Variants in SLC25A48 observed in about 807,000 individuals in gnomAD.
SLC25A48 encodes the protein CTC-321K16.1.
SLC25A48 carries 29 observed loss-of-function variants against 32.2 expected under a neutral mutation model. The observed-to-expected ratio is 0.90, with a 90% CI of 0.67 to 1.23. The LOEUF (loss-of-function observed/expected upper bound fraction) is 1.23, where lower values mean the gene tolerates loss of function less well. Ranked by LOEUF, SLC25A48 falls within the 50% of genes most tolerant of loss-of-function variation. The pLI, the probability that SLC25A48 is intolerant of heterozygous loss-of-function variation, is 0.00. For synonymous variants in SLC25A48, 164 were observed against 172.3 expected (o/e 0.95, Z 0.38); for missense variants, 399 against 422.7 (o/e 0.94, Z 0.49).
chr5:135,807,398 A>G (rs1191947723), intron 3 of SLC25A48, among the ~76,000 whole-genome samples: 1 of 150,722 alleles, frequency 6.6e-6, no homozygotes, highest in Non-Finnish European at 1.5e-5. Flanking sequence ...TATTATGGAT[A>G]TTTCATTAAT....
chr5:135,857,773 G>A (rs768621190), intron 4 of SLC25A48, among the ~76,000 whole-genome samples: 20 of 152,148 alleles, frequency 1.3e-4, no homozygotes, highest in Non-Finnish European at 2.4e-4. Context: ...TGGAGGTCAG[G>A]GCTGTGCACC....
At chr5:135,735,123 T>C (rs988493026) in intron 3 of SLC25A48, among the ~76,000 whole-genome samples, 2 of 152,208 alleles carry the variant, frequency 1.3e-5, no homozygotes, top group African/African-American at 4.8e-5. Context: ...AGTGGCCAGA[T>C]TTCCAGCACT....
intron 3 of SLC25A48, among the ~76,000 whole-genome samples, chr5:135,731,485 TG>T (rs1755221086): frequency 6.6e-6 from 1 of 152,072 alleles, no homozygotes. Context: ...TAATGGGCAA[TG>T]TTTCTTGGGG....
chr5:135,651,292 A>G (rs1352383286), intron 3 of SLC25A48, among the ~76,000 whole-genome samples: 1 of 152,106 alleles, frequency 6.6e-6, no homozygotes, highest in Non-Finnish European at 1.5e-5. Flanking sequence ...AGTGACTCAC[A>G]GCCCCCTCCC....
At chr5:135,846,484 C>T (rs545435367) in intron 2 of SLC25A48, among the ~76,000 whole-genome samples, 32 of 152,284 alleles carry the variant, frequency 2.1e-4, no homozygotes, top group Non-Finnish European at 4.6e-4. Context: ...GCTTGCTCTG[C>T]CAGGTCAGGG....
At chr5:135,598,970 T>G (rs1394940279) in intron 1 of SLC25A48, among the ~76,000 whole-genome samples, 3 of 152,102 alleles carry the variant, frequency 2.0e-5, no homozygotes, top group African/African-American at 7.2e-5. Flanking sequence ...TATTTAACTC[T>G]TAGGAAAGAA....
intron 4 of SLC25A48, among the ~76,000 whole-genome samples, chr5:135,862,762 G>A (rs1360998025): frequency 6.6e-6 from 1 of 152,174 alleles, no homozygotes; most frequent in African/African-American, 2.4e-5. Flanking sequence ...AAGATTTAGT[G>A]GCAGGAAAAT....
At chr5:135,765,977 T>C (rs184616335) in intron 3 of SLC25A48, among the ~76,000 whole-genome samples, 1 of 149,704 alleles carries the variant, frequency 6.7e-6, no homozygotes, top group Non-Finnish European at 1.5e-5. Context: ...CCCCGTGATA[T>C]GGTTTCTAGT....
intron 1 of SLC25A48, among the ~76,000 whole-genome samples, chr5:135,590,460 T>A (rs1281593898): frequency 6.6e-6 from 1 of 152,200 alleles, no homozygotes; most frequent in African/African-American, 2.4e-5. Flanking sequence ...TGTCTGGGCC[T>A]GTAAAACTGC....
Position 135,880,056 on chromosome 5 carries a change from C to T in SLC25A48, c.902C>T (p.Ala301Val). ...MFLGYELSLQAIRGDHAVTSP is the reference protein window; with the variant it reads ...MFLGYELSLQVIRGDHAVTSP ...CTTGGGTACGAGCTGTCGCTGCAGGCTATCCGCGGGGACCACGCAGTGACG... is the reference window on the plus strand; with the variant it reads ...CTTGGGTACGAGCTGTCGCTGCAGGTTATCCGCGGGGACCACGCAGTGACG... The change falls in exon 7 of 8, where the codon GCT (alanine) becomes GTT (valine). Residue 301 changes from alanine to valine, a missense_variant. Coordinates refer to ENST00000681962, the MANE Select transcript of SLC25A48 (RefSeq NM_001349336.2). The T allele has an allele frequency of 6.5e-7, 1 of 1,536,178 alleles. No homozygotes were observed. The highest frequency in any genetic ancestry group is 8.7e-7 in the Non-Finnish European group (1 of 1,146,908).
rs759299701 is a variant in SLC25A48, at chr5:135,888,013, G to A, written c.*8-19G>A. 1 of 1,550,970 alleles carries A rather than the reference G, an allele frequency of 6.4e-7. No individual in the cohort carries two copies. Among genetic ancestry groups the A allele is most frequent in the Non-Finnish European group, 8.7e-7 (1 of 1,146,232 alleles). Reference sequence around the variant, plus strand: ...TTGCCTGCCTTCTTCTCTGAGTCTGGGTTGTTTGCTGTTTCCAGGAGGTGA... The same window carrying A: ...TTGCCTGCCTTCTTCTCTGAGTCTGAGTTGTTTGCTGTTTCCAGGAGGTGA... On this transcript the variant is annotated intron_variant, in intron 7 of 7. Coordinates refer to ENST00000681962, the MANE Select transcript of SLC25A48 (RefSeq NM_001349336.2).
chr5:135,888,343 A>G lies in SLC25A48; in HGVS notation c.*319A>G. 1 of 399,704 alleles carries G rather than the reference A, an allele frequency of 2.5e-6. No homozygotes were observed. Among genetic ancestry groups the G allele is most frequent in the East Asian group, 3.6e-5 (1 of 27,608 alleles). 24.8% of individuals were successfully genotyped at this position (399,704 alleles called of 1,614,324 possible). On this transcript the variant is annotated 3_prime_UTR_variant, in exon 8 of 8. Coordinates refer to ENST00000681962, the MANE Select transcript of SLC25A48 (RefSeq NM_001349336.2). ...CCAGGGAGCCAGAAACCACCCAGAG[A>G]AACGTTGCTTCACTCCTCTGTCTGA...
chr5:135,603,879 G>A (rs372380222), intron 1 of SLC25A48, among the ~76,000 whole-genome samples: 1 of 117,502 alleles, frequency 8.5e-6, no homozygotes, highest in East Asian at 2.4e-4. Context: ...GGGAGGTGGA[G>A]GGTGGTGAGG....
At chr5:135,692,423 TCA>T (rs1327240494) in intron 3 of SLC25A48, among the ~76,000 whole-genome samples, 1 of 151,618 alleles carries the variant, frequency 6.6e-6, no homozygotes, top group Non-Finnish European at 1.5e-5. Context: ...TCACAGAGAA[TCA>T]AATGTGCTGC....
intron 3 of SLC25A48, among the ~76,000 whole-genome samples, chr5:135,794,841 A>G (rs1561496579): frequency 6.6e-6 from 1 of 151,806 alleles, no homozygotes. Flanking sequence ...TCGGGGGGGA[A>G]GTATAATATC....
intron 4 of SLC25A48, among the ~76,000 whole-genome samples, chr5:135,818,105 CT>C (rs1297870143): frequency 4.7e-5 from 5 of 107,126 alleles, no homozygotes; most frequent in Admixed American, 3.9e-4. Context: ...CTCTCTCTCT[CT>C]CTCTCTCTCT....
intron 3 of SLC25A48, among the ~76,000 whole-genome samples, chr5:135,703,248 G>T (rs1754433342): frequency 6.6e-6 from 1 of 152,176 alleles, no homozygotes; most frequent in Non-Finnish European, 1.5e-5. Context: ...CAGAGGAATT[G>T]CCCCAAAGGC....
intron 3 of SLC25A48, among the ~76,000 whole-genome samples, chr5:135,688,566 T>C (rs17168878): frequency 0.046 from 6,962 of 152,322 alleles, 500 homozygotes; most frequent in African/African-American, 0.15. Flanking sequence ...TGAGGGAACA[T>C]TGCTATCCAG....
At chr5:135,755,261 G>A (rs990298085) in intron 3 of SLC25A48, among the ~76,000 whole-genome samples, 2 of 152,056 alleles carry the variant, frequency 1.3e-5, no homozygotes, top group Non-Finnish European at 2.9e-5. Flanking sequence ...AATAGCCAGT[G>A]TTCACACACA....
Sources: allele counts gnomAD v4.1 joint callset (sites outside exome capture counted in the v4.1 genomes callset), GRCh38; gene constraint gnomAD v4.1.1; transcripts MANE v1.5; gene names NCBI Gene and HGNC (gene_info 2026-07-23, HGNC 2026-07-21).